Variants in TYW1 observed in about 807,000 individuals in gnomAD.
TYW1 encodes the protein tRNA-yW synthesizing protein 1 homolog, also known as S-adenosyl-L-methionine-dependent tRNA 4-demethylwyosine synthase TYW1.
Under a neutral mutation model 96.2 loss-of-function variants are expected in TYW1, and 46 were observed. The observed-to-expected ratio is 0.48, with a 90% CI of 0.38 to 0.61. The LOEUF is 0.61. TYW1 is among the 20% of genes least tolerant of loss of function. The probability of loss-of-function intolerance (pLI) is 0.00; values close to 1 mark genes in which losing one functional copy is unlikely to be tolerated. For missense variants in TYW1, 684 were observed against 909.6 expected, an observed-to-expected ratio of 0.75 and a Z score of 3.19; for synonymous variants, 274 against 323.0, an observed-to-expected ratio of 0.85 and a Z score of 1.63.
chr7:67,176,591 C>T (rs1799676354), intron 13 of TYW1, among the ~76,000 whole-genome samples: 1 of 152,044 alleles, frequency 6.6e-6, no homozygotes, highest in African/African-American at 2.4e-5. Context: ...AAAATTTCAC[C>T]TGTGAACTTA....
At chr7:67,220,272 C>T (rs1370827337) in intron 15 of TYW1, among the ~76,000 whole-genome samples, 1 of 140,836 alleles carries the variant, frequency 7.1e-6, no homozygotes, top group African/African-American at 2.6e-5. Flanking sequence ...GGCGCGATCT[C>T]AGCTCACTGC....
Position 66,996,859 on chromosome 7 carries a change from T to A in TYW1, c.-120T>A. 1 of 1,542,336 alleles carries A rather than the reference T, an allele frequency of 6.5e-7. No homozygotes were observed. Among genetic ancestry groups the A allele is most frequent in the Non-Finnish European group, 8.8e-7 (1 of 1,130,708 alleles). On this transcript the variant is annotated 5_prime_UTR_variant, in exon 1 of 16. Transcript: ENST00000359626. ...TGGCAGTGTCATGGCTGCCCACAGG[T>A]CTGCAGGCACTCGGTACGCCGCTAA...
chr7:67,176,576 T>TA (rs1236892590), intron 13 of TYW1, among the ~76,000 whole-genome samples: 1 of 152,136 alleles, frequency 6.6e-6, no homozygotes, highest in Non-Finnish European at 1.5e-5. Context: ...TAAAATACAT[T>TA]AAAAAAAATT....
chr7:67,230,652 CTTTTT>C (rs34585182), intron 15 of TYW1, among the ~76,000 whole-genome samples: 6 of 119,536 alleles, frequency 5.0e-5, no homozygotes, highest in Admixed American at 9.1e-5. Flanking sequence ...CTTATTATCT[CTTTTT>C]TTTTTTTTTT....
Position 67,195,327 on chromosome 7 carries a change from C to T in TYW1, c.1967C>T (p.Ala656Val). Residue 656 changes from alanine to valine, a missense_variant, in exon 15 of 16, where the codon GCA becomes GTA. Transcript: ENST00000359626. ...GAACACTCTAATTGCCTCCTGATAG[C>T]ACACAGAAAGGTAAGAATAACTCAA... ...EHEHSNCLLI[A>V]HRKFKIGGEW... is the part of the protein sequence containing the mutation. The T allele has an allele frequency of 6.2e-7, 1 of 1,613,466 alleles. No homozygotes were observed.
intron 10 of TYW1, among the ~76,000 whole-genome samples, chr7:67,074,909 T>G (rs895909153): frequency 6.6e-6 from 1 of 152,106 alleles, no homozygotes; most frequent in African/African-American, 2.4e-5. Context: ...CTTGGCTCAC[T>G]GTAACCTCTG....
Position 67,033,409 on chromosome 7 carries a change from A to G in TYW1, c.984+8387A>G, listed in dbSNP as rs529675677. On this transcript the variant is annotated intron_variant, in intron 7 of 15. Coordinates refer to ENST00000359626, the MANE Select transcript of TYW1 (RefSeq NM_018264.4). ...TACCCAGCAGCAGTGCTCACTTGCT[A>G]ATGCAAGTAGCTGATCCGTTTGCTT... 1.7e-4 allele frequency among the ~76,000 whole-genome samples: 26 copies of G among 152,308 alleles called. No individual in the cohort carries two copies. The East Asian group carries it at 5.0e-3, about 29-fold the overall frequency.
chr7:67,208,287 C>T (rs976284744), intron 15 of TYW1, among the ~76,000 whole-genome samples: 1 of 152,044 alleles, frequency 6.6e-6, no homozygotes, highest in Non-Finnish European at 1.5e-5. Context: ...TGCCACCGCA[C>T]CCCAGCCTGG....
intron 11 of TYW1, among the ~76,000 whole-genome samples, chr7:67,093,767 C>T (rs1796797464): frequency 6.6e-6 from 1 of 152,098 alleles, no homozygotes; most frequent in South Asian, 2.1e-4. Flanking sequence ...TAAAAGAAGA[C>T]ATCACCTGTC....
intron 10 of TYW1, among the ~76,000 whole-genome samples, chr7:67,081,073 G>A (rs1584536964): frequency 6.8e-6 from 1 of 146,686 alleles, no homozygotes; most frequent in East Asian, 2.1e-4. Context: ...TTTTCATGAT[G>A]GTAATTATTC....
At chr7:67,079,774 A>C (rs1212130609) in intron 10 of TYW1, among the ~76,000 whole-genome samples, 1 of 151,822 alleles carries the variant, frequency 6.6e-6, no homozygotes. Context: ...CTGTCCCTTA[A>C]GTTTTGACAT....
rs373168264 is a variant in TYW1 at position 67,082,351 on chromosome 7, G to C, written c.1275-1079G>C. Among the ~76,000 whole-genome samples, 9 of 152,212 alleles carry C rather than the reference G, an allele frequency of 5.9e-5. No individual in the cohort carries two copies. In the East Asian group the frequency reaches 7.7e-4, roughly 13 times the overall value. On this transcript the variant is annotated intron_variant, in intron 10 of 15. Transcript: ENST00000359626. ...TTGACTTGTCCTCTAGACGGGTACA[G>C]TAGTGTAGTAGTATAGTAGTGTACA...
At chr7:67,021,056 A>G (rs1342888772) in intron 6 of TYW1, among the ~76,000 whole-genome samples, 1 of 152,266 alleles carries the variant, frequency 6.6e-6, no homozygotes, top group African/African-American at 2.4e-5. Context: ...AATTTGTCAA[A>G]TGAGTTTGAA....
chr7:67,231,596 T>C (rs556109454), intron 15 of TYW1, among the ~76,000 whole-genome samples: 3 of 152,346 alleles, frequency 2.0e-5, no homozygotes, highest in East Asian at 1.9e-4. Flanking sequence ...CCCTTTGAGG[T>C]TGGACCTGCT....
chr7:67,205,787 T>C (rs1373013578), intron 15 of TYW1, among the ~76,000 whole-genome samples: 1 of 141,588 alleles, frequency 7.1e-6, no homozygotes, highest in Non-Finnish European at 1.5e-5. Flanking sequence ...CAGCCTTTAC[T>C]TGGGACTCTT....
In TYW1 at chr7:67,036,759, C is replaced by T. The variant is rs549681325; in HGVS notation, c.984+11737C>T. Among the ~76,000 whole-genome samples the T allele has an allele frequency of 7.2e-5, 11 of 152,294 alleles. No homozygotes were observed. The East Asian group carries it at 1.3e-3, about 19-fold the overall frequency. On this transcript the variant is annotated intron_variant, in intron 7 of 15. Coordinates refer to ENST00000359626, the MANE Select transcript of TYW1 (RefSeq NM_018264.4). ...CCAAAGAGAAGACAGGATTCTTCAG[C>T]GGAAAAGGAAGACATGAGAGACAAA... is the stretch of plus-strand genomic sequence containing the variant.
rs556222119 is a variant in TYW1, at chr7:67,230,952, T to C, written c.1978-7356T>C. Among the ~76,000 whole-genome samples, 24 of 152,258 alleles carry C rather than the reference T, an allele frequency of 1.6e-4. No individual in the cohort carries two copies. In the South Asian group the frequency reaches 4.4e-3, roughly 28 times the overall value. On this transcript the variant is annotated intron_variant, in intron 15 of 15. Transcript: ENST00000359626. ...ACCATGCCTGGCTGCTTATTATCTCTTTACTGTGTACCATGGAAGATGAGG... is the reference window on the plus strand; with the variant it reads ...ACCATGCCTGGCTGCTTATTATCTCCTTACTGTGTACCATGGAAGATGAGG...
At chr7:67,228,935 T>C (rs1272266256) in intron 15 of TYW1, among the ~76,000 whole-genome samples, 1 of 152,260 alleles carries the variant, frequency 6.6e-6, no homozygotes, top group Non-Finnish European at 1.5e-5. Context: ...CAGTTCTTCA[T>C]CTGCAACCTC....
At chr7:67,207,647 A>G (rs183738702) in intron 15 of TYW1, among the ~76,000 whole-genome samples, 3 of 149,768 alleles carry the variant, frequency 2.0e-5, no homozygotes, top group East Asian at 2.0e-4. Flanking sequence ...CCCAGTTGTG[A>G]CATTTGTTTA....
Sources: gnomAD v4.1 joint callset for allele counts (sites outside exome capture counted in the v4.1 genomes callset) on GRCh38, gnomAD v4.1.1 for gene constraint, MANE v1.5 for transcripts, NCBI Gene and HGNC (gene_info 2026-07-23, HGNC 2026-07-21) for gene names.